The following DOK6 variants were observed in gnomAD, a reference collection of about 807,000 sequenced individuals.
DOK6 encodes downstream of tyrosine kinase 6.
DOK6 carries 22 observed loss-of-function variants against 44.0 expected under a neutral mutation model. That is an observed-to-expected ratio of 0.50 (90% CI 0.36 to 0.71). The LOEUF is 0.71. DOK6 is among the 30% of genes least tolerant of loss of function. The pLI is 0.00. For synonymous variants in DOK6, 166 were observed against 145.5 expected, an observed-to-expected ratio of 1.14 and a Z score of -1.01; for missense variants, 340 against 416.4, an observed-to-expected ratio of 0.82 and a Z score of 1.60.
chr18:69,473,478 C>T (rs1980173801), intron 1 of DOK6, among the ~76,000 whole-genome samples: 1 of 152,102 alleles, frequency 6.6e-6, no homozygotes, highest in African/African-American at 2.4e-5. Context: ...GTGGTTGAGG[C>T]TTAGTGGTCC....
intron 3 of DOK6, among the ~76,000 whole-genome samples, chr18:69,664,279 T>A (rs998578783): frequency 4.1e-4 from 62 of 152,230 alleles, no homozygotes; most frequent in African/African-American, 1.5e-3. Flanking sequence ...CAAATATATA[T>A]GATCTTTCTT....
At chr18:69,609,610 T>C (rs1382088130) in intron 3 of DOK6, among the ~76,000 whole-genome samples, 1 of 152,106 alleles carries the variant, frequency 6.6e-6, no homozygotes, top group Non-Finnish European at 1.5e-5. Flanking sequence ...TGGAAAACAA[T>C]ATGGAAGTTC....
intron 5 of DOK6, among the ~76,000 whole-genome samples, chr18:69,729,308 C>T (rs547635706): frequency 2.6e-5 from 4 of 152,030 alleles, no homozygotes; most frequent in African/African-American, 9.6e-5. Flanking sequence ...TTTCTTTATT[C>T]TATTAGAGGA....
At chr18:69,821,855 A>G (rs1204957660) in intron 7 of DOK6, among the ~76,000 whole-genome samples, 2 of 151,558 alleles carry the variant, frequency 1.3e-5, no homozygotes, top group African/African-American at 4.9e-5. Flanking sequence ...ACAAAACTCT[A>G]TGGGTCTTAT....
At chr18:69,732,881 G>C (rs114752098) in intron 5 of DOK6, among the ~76,000 whole-genome samples, 1 of 152,150 alleles carries the variant, frequency 6.6e-6, no homozygotes, top group Non-Finnish European at 1.5e-5. Flanking sequence ...TTCTCACACC[G>C]CTAAGAAGAA....
At chr18:69,451,173 G>A (rs1057422227) in intron 1 of DOK6, among the ~76,000 whole-genome samples, 31 of 148,710 alleles carry the variant, frequency 2.1e-4, no homozygotes, top group Non-Finnish European at 3.6e-4. Context: ...CCCATCTCAC[G>A]TGCAGAGACA....
At chr18:69,442,043 G>T (rs1979151578) in intron 1 of DOK6, among the ~76,000 whole-genome samples, 2 of 152,102 alleles carry the variant, frequency 1.3e-5, no homozygotes, top group Non-Finnish European at 2.9e-5. Context: ...GTAGTCAGAG[G>T]ATTTGGATAA....
intron 1 of DOK6, among the ~76,000 whole-genome samples, chr18:69,479,527 A>T (rs1312957115): frequency 6.6e-6 from 1 of 152,124 alleles, no homozygotes; most frequent in Non-Finnish European, 1.5e-5. Context: ...TTTGCTGCAG[A>T]TGTGCTTTCG....
At chr18:69,757,976 AT>A (rs1979416058) in intron 7 of DOK6, 103 bp downstream of exon 7, 5 of 980,214 alleles carry the variant, frequency 5.1e-6, no homozygotes, top group Non-Finnish European at 8.0e-6. Flanking sequence ...TTTTCCTCCC[AT>A]TCCCATTTAT....
intron 3 of DOK6, among the ~76,000 whole-genome samples, chr18:69,637,010 T>A (rs2144651109): frequency 6.6e-6 from 1 of 152,316 alleles, no homozygotes; most frequent in South Asian, 2.1e-4. Flanking sequence ...TTTGTTTTAG[T>A]TCTGAATGGC....
At chr18:69,446,026 G>A (rs951205880) in intron 1 of DOK6, among the ~76,000 whole-genome samples, 2 of 150,574 alleles carry the variant, frequency 1.3e-5, no homozygotes, top group Non-Finnish European at 3.0e-5. Context: ...TTTGTTGATA[G>A]TATTTATATT....
At chr18:69,547,096 T>C (rs921215936) in intron 1 of DOK6, among the ~76,000 whole-genome samples, 3 of 151,294 alleles carry the variant, frequency 2.0e-5, no homozygotes, top group Admixed American at 2.0e-4. Flanking sequence ...CCTTTTTTGT[T>C]GTTTGTTTGT....
intron 4 of DOK6, among the ~76,000 whole-genome samples, chr18:69,689,683 A>G (rs1021513167): frequency 6.6e-6 from 1 of 152,148 alleles, no homozygotes; most frequent in African/African-American, 2.4e-5. Context: ...GATATTAAAA[A>G]TTATCTAAAA....
intron 6 of DOK6, among the ~76,000 whole-genome samples, chr18:69,751,545 T>G (rs1367341970): frequency 2.0e-5 from 3 of 152,302 alleles, no homozygotes; most frequent in Admixed American, 2.0e-4. Flanking sequence ...ATGTGTATAT[T>G]TGAGTGTGTG....
intron 1 of DOK6, among the ~76,000 whole-genome samples, chr18:69,415,353 G>A (rs1349082247): frequency 1.4e-5 from 2 of 144,552 alleles, no homozygotes; most frequent in Admixed American, 6.7e-5. Flanking sequence ...TCATTTTTTT[G>A]TAAGTCTTAA....
intron 1 of DOK6, among the ~76,000 whole-genome samples, chr18:69,481,454 A>G (rs1048852210): frequency 1.3e-5 from 2 of 151,688 alleles, no homozygotes; most frequent in African/African-American, 4.8e-5. Context: ...ATTCCCACCT[A>G]TGAGTGAGAA....
intron 3 of DOK6, among the ~76,000 whole-genome samples, chr18:69,676,957 G>A (rs186117702): frequency 5.2e-4 from 79 of 152,086 alleles, no homozygotes; most frequent in African/African-American, 1.9e-3. Flanking sequence ...AAAGAAATTG[G>A]GAGGTAATCA....
chr18:69,664,716 C>T (rs1331155143), intron 3 of DOK6, among the ~76,000 whole-genome samples: 1 of 152,180 alleles, frequency 6.6e-6, no homozygotes, highest in African/African-American at 2.4e-5. Context: ...GCTTACTTTT[C>T]ATTCACTCTC....
chr18:69,413,703 T>C (rs1978316025), intron 1 of DOK6, among the ~76,000 whole-genome samples: 1 of 151,964 alleles, frequency 6.6e-6, no homozygotes, highest in Non-Finnish European at 1.5e-5. Context: ...ATTCTTAGAC[T>C]TGACAACAAA....
Sources: allele counts gnomAD v4.1 joint callset (sites outside exome capture counted in the v4.1 genomes callset), GRCh38; gene constraint gnomAD v4.1.1; transcripts MANE v1.5; gene names NCBI Gene and HGNC (gene_info 2026-07-23, HGNC 2026-07-21).